The following LINS1 variants were observed in gnomAD, a reference collection of about 807,000 sequenced individuals.
LINS1 encodes protein Lines homolog 1.
LINS1 carries 27 observed loss-of-function variants against 41.6 expected under a neutral mutation model. That is an observed-to-expected ratio of 0.65 (90% confidence interval 0.48 to 0.89). The LOEUF (loss-of-function observed/expected upper bound fraction) is 0.89, where lower values mean the gene tolerates loss of function less well. Among genes scored for constraint, LINS1 ranks in the 40% least tolerant of loss-of-function variants. The pLI, the probability that LINS1 is intolerant of heterozygous loss-of-function variation, is 0.00. For synonymous variants in LINS1, 336 were observed against 312.9 expected (o/e 1.07, Z -0.78); for missense variants, 955 against 884.1 (o/e 1.08, Z -1.02).
In LINS1 at chr15:100,570,057, ATG is replaced by A; in HGVS notation, c.1453_1454del (p.His485Ter). 1 of 1,569,528 alleles carries A rather than the reference ATG, an allele frequency of 6.4e-7. No homozygotes were observed. The highest frequency in any genetic ancestry group is 2.2e-5 in the East Asian group (1 of 44,730). On this transcript the variant is annotated frameshift_variant, in exon 7 of 7. Coordinates refer to ENST00000314742, the MANE Select transcript of LINS1 (RefSeq NM_001040616.3). LOFTEE classifies it low-confidence loss of function (END_TRUNC). Reference protein sequence around the residue: ...QGKEMWDHHTHENGYNPHCIF... With the variant: ...QGKEMWDHHTXENGYNPHCIF... Reference sequence around the variant, plus strand: ...TACAGTGAGGATTATAGCCATTTTCATGTGTGTGATGGTCCCACATTTCTTTT... The same window carrying A: ...TACAGTGAGGATTATAGCCATTTTCATGTGTGATGGTCCCACATTTCTTTT...
intron 3 of LINS1, among the ~76,000 whole-genome samples, chr15:100,575,963 T>C (rs1447796955): frequency 6.6e-6 from 1 of 152,184 alleles, no homozygotes; most frequent in Non-Finnish European, 1.5e-5. Flanking sequence ...ATAAAGATGT[T>C]CTTTGAAACC....
rs187031885 is a variant in LINS1, at chr15:100,588,623, T to C, written c.-103-7678A>G. ...AAATGCTTTAAGGTCACAAACTGCT[T>C]CTTTGACTTTTAAAAATTGCTTAAT... On this transcript the variant is annotated intron_variant, in intron 1 of 6. Coordinates refer to ENST00000314742, the MANE Select transcript of LINS1 (RefSeq NM_001040616.3). Among the ~76,000 whole-genome samples the C allele has an allele frequency of 3.3e-5, 5 of 152,332 alleles. No homozygotes were observed. In the East Asian group the frequency reaches 9.6e-4, roughly 29 times the overall value.
chr15:100,575,173 C>G (rs190164799), intron 3 of LINS1, 45 bp from the exon 4 acceptor site: 1 of 1,527,188 alleles, frequency 6.5e-7, no homozygotes, highest in East Asian at 2.3e-5. Context: ...ACAATATTTT[C>G]TTTACATAAT....
chr15:100,570,126 G>A lies in LINS1; in HGVS notation c.1395-9C>T, dbSNP rs2037741906. 6.3e-7 allele frequency: 1 copy of A among 1,579,702 alleles called. No homozygotes were observed. The highest frequency in any genetic ancestry group is 1.1e-5 in the South Asian group (1 of 87,260). On this transcript the variant is annotated splice_polypyrimidine_tract_variant and intron_variant, in intron 6 of 6. Coordinates refer to ENST00000314742, the MANE Select transcript of LINS1 (RefSeq NM_001040616.3). ...CAGTGGCTTCACATCCTCTGAAAAT[G>A]AAGATAATGGAGAATGCAGATTAAT...
intron 1 of LINS1, among the ~76,000 whole-genome samples, chr15:100,598,995 T>C (rs1233710198): frequency 6.6e-6 from 1 of 152,200 alleles, no homozygotes; most frequent in Non-Finnish European, 1.5e-5. Context: ...CCCATGAGCC[T>C]TGGACTCCCT....
chr15:100,588,893 G>A (rs529912780), intron 1 of LINS1, among the ~76,000 whole-genome samples: 2 of 152,188 alleles, frequency 1.3e-5, no homozygotes, highest in African/African-American at 2.4e-5. Flanking sequence ...AAGAAATGTT[G>A]TACAATTTAA....
intron 1 of LINS1, among the ~76,000 whole-genome samples, chr15:100,599,612 AG>A: frequency 6.6e-6 from 1 of 152,348 alleles, no homozygotes; most frequent in South Asian, 2.1e-4. Context: ...ATGGGTGCCG[AG>A]TCTGCTATAA....
chr15:100,573,867 C>T lies in LINS1; in HGVS notation c.1006G>A (p.Ala336Thr), dbSNP rs1206031674. ...GCTTGCAAAACAGCATTAGCTAAAG[C>T]CAGCATGTCCACCGCTACATGATGG... ...PDHHVAVDMLALANAVLQAVN... is the reference protein window; with the variant it reads ...PDHHVAVDMLTLANAVLQAVN... The change falls in exon 5 of 7, where the codon GCT (alanine) becomes ACT (threonine). Residue 336 changes from alanine (A) to threonine (T), a missense_variant. Coordinates refer to ENST00000314742, the MANE Select transcript of LINS1 (RefSeq NM_001040616.3). The T allele has an allele frequency of 1.2e-6, 2 of 1,614,258 alleles. No individual in the cohort carries two copies. Among genetic ancestry groups the T allele is most frequent in the South Asian group, 2.2e-5 (2 of 91,084 alleles).
rs746955815 is a variant in LINS1, at chr15:100,575,086, G to C, written c.532C>G (p.Leu178Val). 2.5e-6 allele frequency: 4 copies of C among 1,612,254 alleles called. No homozygotes were observed. The highest frequency in any genetic ancestry group is 1.1e-5 in the South Asian group (1 of 91,050). Residue 178 changes from leucine (L) to valine (V), a missense_variant, in exon 4 of 7, where the codon CTT (leucine) becomes GTT (valine). Leu to Val is a conservative substitution (Grantham distance 32). Coordinates refer to ENST00000314742, the MANE Select transcript of LINS1 (RefSeq NM_001040616.3). ...TTATTACTCTCAGAGTATTCAGAAA[G>C]ATTTTTCTGGCAAAAAGCAATCCAG... is the stretch of plus-strand genomic sequence containing the variant. ...NSWIAFCQKNLSEYSESNKAI... is the reference protein window; with the variant it reads ...NSWIAFCQKNVSEYSESNKAI...
At chr15:100,583,000 T>A (rs560000039) in intron 1 of LINS1, among the ~76,000 whole-genome samples, 73 of 151,966 alleles carry the variant, frequency 4.8e-4, no homozygotes, top group South Asian at 1.0e-3. Context: ...ACTAGCCTAG[T>A]CTTGCTCTTA....
intron 3 of LINS1, among the ~76,000 whole-genome samples, chr15:100,578,529 G>A (rs552194230): frequency 0.016 from 2,361 of 152,088 alleles, 37 homozygotes; most frequent in Non-Finnish European, 0.022. Context: ...GAAACAACAG[G>A]TGCTGGAGAG....
At position 100,573,873 on chromosome 15, in the gene LINS1, T is replaced by C. The variant is rs573607261; in HGVS notation, c.1000A>G (p.Met334Val). 20 of 1,614,126 alleles carry C rather than the reference T, an allele frequency of 1.2e-5. No individual in the cohort carries two copies. The highest frequency in any genetic ancestry group is 9.3e-5 in the African/African-American group (7 of 74,950). ...MPPDHHVAVD[M>V]LALANAVLQA... ...AAAACAGCATTAGCTAAAGCCAGCATGTCCACCGCTACATGATGGTCTGGC... is the reference window on the plus strand; with the variant it reads ...AAAACAGCATTAGCTAAAGCCAGCACGTCCACCGCTACATGATGGTCTGGC... Residue 334 changes from methionine to valine, a missense_variant, in exon 5 of 7, where the codon ATG (methionine) becomes GTG (valine). Coordinates refer to ENST00000314742, the MANE Select transcript of LINS1 (RefSeq NM_001040616.3).
rs564313899 is a variant in LINS1, at chr15:100,583,568, C to T, written c.-103-2623G>A. The stretch of plus-strand genomic sequence containing the variant: ...AGTGTTATACTTTATCTCAGCCCTG[C>T]GTGCTCTCAGAAGGCCAGAATGGAA... On this transcript the variant is annotated intron_variant, in intron 1 of 6. Coordinates refer to ENST00000314742, the MANE Select transcript of LINS1 (RefSeq NM_001040616.3). Among the ~76,000 whole-genome samples, 12 of 152,314 alleles carry T rather than the reference C, an allele frequency of 7.9e-5. No individual in the cohort carries two copies. In the South Asian group the frequency reaches 2.1e-3, roughly 26 times the overall value.
At chr15:100,575,881 C>T (rs577257242) in intron 3 of LINS1, among the ~76,000 whole-genome samples, 1 of 152,264 alleles carries the variant, frequency 6.6e-6, no homozygotes, top group African/African-American at 2.4e-5. Flanking sequence ...CACTCAAAAC[C>T]ATTCAACTAC....
In LINS1 at chr15:100,569,777, C is replaced by T. The variant is rs1332980382; in HGVS notation, c.1735G>A (p.Ala579Thr). 1.9e-6 allele frequency: 3 copies of T among 1,613,788 alleles called. No homozygotes were observed. The highest frequency in any genetic ancestry group is 1.7e-5 in the Admixed American group (1 of 59,966). ...CACACATCTCTGTGACTATGAGGAGCAGTCAAACGATGGGGTATTGTTTGG... is the reference window on the plus strand; with the variant it reads ...CACACATCTCTGTGACTATGAGGAGTAGTCAAACGATGGGGTATTGTTTGG... ...SNQTIPHRLT[A>T]PHSHRDVCAR... Residue 579 changes from alanine to threonine, a missense_variant, in exon 7 of 7, where the codon GCT becomes ACT. By Grantham distance (58) the Ala-to-Thr change is moderately conservative. Coordinates refer to ENST00000314742, the MANE Select transcript of LINS1 (RefSeq NM_001040616.3).
At chr15:100,590,807 T>C (rs1177223043) in intron 1 of LINS1, among the ~76,000 whole-genome samples, 1 of 152,190 alleles carries the variant, frequency 6.6e-6, no homozygotes, top group Non-Finnish European at 1.5e-5. Flanking sequence ...ATCTATTTGA[T>C]TTTAGGTGGT....
At position 100,580,858 on chromosome 15, in the gene LINS1, G is replaced by A. The variant is rs374528720; in HGVS notation, c.-16C>T. The A allele has an allele frequency of 1.9e-6, 3 of 1,606,448 alleles. No homozygotes were observed. The highest frequency in any genetic ancestry group is 2.2e-5 in the East Asian group (1 of 44,806). ...AAACTTTCATTTTGACTTCCAAAAT[G>A]TATCTTATAAGAAGGTCGACAACTC... On this transcript the variant is annotated 5_prime_UTR_variant, in exon 2 of 7. Coordinates refer to ENST00000314742, the MANE Select transcript of LINS1 (RefSeq NM_001040616.3).
At chr15:100,587,580 A>T (rs987839215) in intron 1 of LINS1, among the ~76,000 whole-genome samples, 1 of 152,050 alleles carries the variant, frequency 6.6e-6, no homozygotes, top group African/African-American at 2.4e-5. Context: ...CATATATATA[A>T]AACCATGATT....
intron 1 of LINS1, among the ~76,000 whole-genome samples, chr15:100,589,867 A>AT (rs2038959273): frequency 6.6e-6 from 1 of 152,208 alleles, no homozygotes; most frequent in African/African-American, 2.4e-5. Context: ...GCCACAGTGT[A>AT]TTTTCACTAG....
Sources: allele counts gnomAD v4.1 joint callset (sites outside exome capture counted in the v4.1 genomes callset), GRCh38; gene constraint gnomAD v4.1.1; transcripts MANE v1.5; gene names NCBI Gene and HGNC (gene_info 2026-07-23, HGNC 2026-07-21).